Variants in HS3ST1 observed in about 807,000 individuals in gnomAD.
HS3ST1 encodes heparan sulfate glucosamine 3-O-sulfotransferase 1.
In HS3ST1, 8 loss-of-function variants were observed where a neutral mutation model predicts 20.7. The observed-to-expected ratio is 0.39, with a 90% CI of 0.23 to 0.70. The LOEUF (loss-of-function observed/expected upper bound fraction) is 0.70. HS3ST1 is among the 30% of genes least tolerant of loss of function. The probability of loss-of-function intolerance (pLI) is 0.46; values close to 1 mark genes in which losing one functional copy is unlikely to be tolerated. For synonymous variants in HS3ST1, 205 were observed against 190.4 expected (o/e 1.08, Z -0.63); for missense variants, 436 against 423.4 (o/e 1.03, Z -0.26).
intron 1 of HS3ST1, 133 bp downstream of exon 1, chr4:11,428,566 A>T (rs1719129023): frequency 1.3e-5 from 2 of 152,378 alleles, no homozygotes; most frequent in South Asian, 4.2e-4. Context: ...CTCTGCATCC[A>T]CTCCACCTGC....
chr4:11,434,183 A>G (rs940837614), upstream of HS3ST1, among the ~76,000 whole-genome samples: 2 of 152,234 alleles, frequency 1.3e-5, no homozygotes, highest in Non-Finnish European at 2.9e-5. Context: ...TCTTTTGGAA[A>G]TGTTTACAAT....
At chr4:11,406,258 A>C (rs1217659733) in intron 1 of HS3ST1, among the ~76,000 whole-genome samples, 1 of 152,214 alleles carries the variant, frequency 6.6e-6, no homozygotes, top group Non-Finnish European at 1.5e-5. Context: ...TTTTTAAGCA[A>C]TAAAAAGGTG....
intron 1 of HS3ST1, among the ~76,000 whole-genome samples, chr4:11,405,637 A>G (rs1004467932): frequency 4.6e-5 from 7 of 152,144 alleles, no homozygotes; most frequent in Non-Finnish European, 1.0e-4. Flanking sequence ...CAGTAGGAAG[A>G]GAAACTTTAA....
chr4:11,399,369 G>A lies in HS3ST1; in HGVS notation c.637C>T (p.His213Tyr). The change falls in exon 2 of 2, where the codon CAC becomes TAC. Residue 213 changes from histidine (H) to tyrosine (Y), a missense_variant. By Grantham distance (83) the His-to-Tyr change is moderately conservative. Coordinates refer to ENST00000002596, the MANE Select transcript of HS3ST1 (RefSeq NM_005114.4). This position sits in a 1 kb window ranked among gnomAD's most constrained non-coding sequence, Gnocchi z 5.1. ...ATGAGGCGGTCGCCGTCCACAATGT[G>A]GATGTGGCGCAGCGGGAAAAAGCGC... ...WLRFFPLRHIHIVDGDRLIRD... is the reference protein window; with the variant it reads ...WLRFFPLRHIYIVDGDRLIRD... 3.1e-6 allele frequency: 5 copies of A among 1,614,096 alleles called. No homozygotes were observed. Among genetic ancestry groups the A allele is most frequent in the East Asian group, 2.2e-5 (1 of 44,888 alleles).
intron 1 of HS3ST1, among the ~76,000 whole-genome samples, chr4:11,418,561 C>A (rs1324935763): frequency 6.6e-6 from 1 of 152,194 alleles, no homozygotes; most frequent in Non-Finnish European, 1.5e-5. Context: ...GAATTTCAAA[C>A]TGCGTGGCGA....
chr4:11,396,427 G>C lies in HS3ST1; in HGVS notation c.*2655C>G, dbSNP rs1469653670. The C allele has an allele frequency of 1.3e-5, 2 of 152,292 alleles. No individual in the cohort carries two copies. The highest frequency in any genetic ancestry group is 4.8e-5 in the African/African-American group (2 of 41,448). 9.4% of individuals were successfully genotyped at this position (152,292 alleles called of 1,614,324 possible). A position where few individuals can be genotyped will look rare whatever the true frequency, so the allele number is the denominator to read the frequency against. ...CCTAGATCCCCCAGGCTGCTCCCGG[G>C]CCGGGGTGGTCTGGACAGGAGACCC... On this transcript the variant is annotated 3_prime_UTR_variant, in exon 2 of 2. Coordinates refer to ENST00000002596, the MANE Select transcript of HS3ST1 (RefSeq NM_005114.4).
At chr4:11,428,412 G>C (rs1448101678) in intron 1 of HS3ST1, 1 of 152,364 alleles carries the variant, frequency 6.6e-6, no homozygotes, top group Non-Finnish European at 1.5e-5. Context: ...TCTGCAGGGG[G>C]GGAAAACATC....
chr4:11,399,351 G>A lies in HS3ST1; in HGVS notation c.655C>T (p.Arg219Cys), dbSNP rs146170906. 6.2e-6 allele frequency: 10 copies of A among 1,613,866 alleles called. No individual in the cohort carries two copies. The highest frequency in any genetic ancestry group is 4.5e-5 in the East Asian group (2 of 44,890). Residue 219 changes from arginine to cysteine, a missense_variant, in exon 2 of 2, where the codon CGC becomes TGC. Physicochemically the swap from Arg to Cys is radical, Grantham distance 180. Transcript: ENST00000002596. This position sits in a 1 kb window ranked among gnomAD's most constrained non-coding sequence, Gnocchi z 5.1. Reference sequence around the variant, plus strand: ...TCAGGGAAGGGGTCCCTGATGAGGCGGTCGCCGTCCACAATGTGGATGTGG... The same window carrying A: ...TCAGGGAAGGGGTCCCTGATGAGGCAGTCGCCGTCCACAATGTGGATGTGG... ...LRHIHIVDGD[R>C]LIRDPFPEIQ...
chr4:11,400,139 A>T (rs1718283806), intron 1 of HS3ST1, 26 bp from the exon 2 acceptor site: 1 of 1,419,556 alleles, frequency 7.0e-7, no homozygotes, highest in Non-Finnish European at 9.2e-7. Flanking sequence ...GGAAGATATT[A>T]ACATATAACA....
intron 1 of HS3ST1, among the ~76,000 whole-genome samples, chr4:11,415,646 C>G (rs760840916): frequency 6.6e-6 from 1 of 152,122 alleles, no homozygotes; most frequent in Non-Finnish European, 1.5e-5. Context: ...AAATGCTGCT[C>G]TATTGATAGC....
chr4:11,411,696 G>T (rs1421338641), intron 1 of HS3ST1, among the ~76,000 whole-genome samples: 14 of 152,150 alleles, frequency 9.2e-5, no homozygotes, highest in Non-Finnish European at 4.4e-5. Flanking sequence ...TCCATCAGTG[G>T]CCTGGTCATC....
Position 11,412,662 on chromosome 4 carries a change from G to T in HS3ST1, c.-108-12549C>A, listed in dbSNP as rs139898498. Among the ~76,000 whole-genome samples, 1,286 of 152,242 alleles carry T rather than the reference G, an allele frequency of 8.4e-3. 13 individuals carry two copies. The highest frequency in any genetic ancestry group is 0.024 in the Middle Eastern group (7 of 294). ...TCTCTCAAACTGCACTTGCTGCTCT[G>T]ATTCCACTCAGATCATACTTAGCAC... On this transcript the variant is annotated intron_variant, in intron 1 of 1. Coordinates refer to ENST00000002596, the MANE Select transcript of HS3ST1 (RefSeq NM_005114.4).
In HS3ST1 at chr4:11,400,028, C is replaced by A. The variant is rs1405701411; in HGVS notation, c.-23G>T. 4.8e-6 allele frequency: 7 copies of A among 1,471,802 alleles called. No individual in the cohort carries two copies. The East Asian group carries it at 1.5e-4, about 31-fold the overall frequency. 91.2% of individuals were successfully genotyped at this position (1,471,802 alleles called of 1,614,324 possible). Reference sequence around the variant, plus strand: ...CATGCTGGACACCACGGTGGCTTCACTGGGCCGCGCGCCGCTGGGTCATGA... The same window carrying A: ...CATGCTGGACACCACGGTGGCTTCAATGGGCCGCGCGCCGCTGGGTCATGA... On this transcript the variant is annotated 5_prime_UTR_variant, in exon 2 of 2. Coordinates refer to ENST00000002596, the MANE Select transcript of HS3ST1 (RefSeq NM_005114.4).
At chr4:11,407,681 T>C (rs1718507143) in intron 1 of HS3ST1, among the ~76,000 whole-genome samples, 1 of 152,230 alleles carries the variant, frequency 6.6e-6, no homozygotes, top group Non-Finnish European at 1.5e-5. Context: ...GAGAGGTAAC[T>C]AAAGATTTCC....
At chr4:11,413,959 GAGAA>G in intron 1 of HS3ST1, 1 of 152,294 alleles carries the variant, frequency 6.6e-6, no homozygotes, top group African/African-American at 2.4e-5. Context: ...AAATCATAGT[GAGAA>G]AGAAGGAAAA....
At chr4:11,415,976 C>T (rs1329353035) in intron 1 of HS3ST1, among the ~76,000 whole-genome samples, 2 of 152,056 alleles carry the variant, frequency 1.3e-5, no homozygotes, top group African/African-American at 2.4e-5. Flanking sequence ...GCAGGCTGCT[C>T]CAGTACGCCT....
chr4:11,432,435 G>A (rs572738219), upstream of HS3ST1, among the ~76,000 whole-genome samples: 8 of 152,310 alleles, frequency 5.3e-5, no homozygotes, highest in South Asian at 1.7e-3. Context: ...TTTAGATGAG[G>A]TACTAATGGC....
At chr4:11,432,150 G>A (rs760002938), upstream of HS3ST1, among the ~76,000 whole-genome samples, 1 of 152,150 alleles carries the variant, frequency 6.6e-6, no homozygotes, top group Non-Finnish European at 1.5e-5. Flanking sequence ...TAGGAGACGG[G>A]AGGTCAGGAA....
intron 1 of HS3ST1, among the ~76,000 whole-genome samples, chr4:11,405,530 G>T (rs184977334): frequency 6.6e-6 from 1 of 152,234 alleles, no homozygotes; most frequent in Admixed American, 6.5e-5. Flanking sequence ...ATGATTTCTG[G>T]TATATAGCAC....
Sources: gnomAD v4.1 joint callset for allele counts (sites outside exome capture counted in the v4.1 genomes callset) on GRCh38, gnomAD v4.1.1 for gene constraint, Gnocchi (gnomAD v3.1) non-coding constraint, MANE v1.5 for transcripts, NCBI Gene and HGNC (gene_info 2026-07-23, HGNC 2026-07-21) for gene names.